Variants in GDPD3 observed in about 807,000 individuals in gnomAD.
The protein encoded by GDPD3 is lysophospholipase D GDPD3.
GDPD3 carries 40 observed loss-of-function variants against 43.7 expected under a neutral mutation model. The ratio of observed to expected loss-of-function variants is 0.91; its 90% confidence interval spans 0.71 to 1.19. The LOEUF is 1.19. GDPD3 is among the 50% of genes most tolerant of loss of function. The pLI is 0.00. For missense variants in GDPD3, 363 were observed against 415.8 expected, an observed-to-expected ratio of 0.87 and a Z score of 1.11; for synonymous variants, 145 against 162.9, an observed-to-expected ratio of 0.89 and a Z score of 0.84.
chr16:30,112,257 G>T lies in GDPD3; in HGVS notation c.484-36C>A. 6.2e-7 allele frequency: 1 copy of T among 1,612,876 alleles called. No individual in the cohort carries two copies. On this transcript the variant is annotated intron_variant, in intron 5 of 9. Coordinates refer to ENST00000406256, the MANE Select transcript of GDPD3 (RefSeq NM_024307.3). The surrounding 1 kb of genome is among the most constrained non-coding windows in gnomAD (Gnocchi z 5.4). ...GAGAAGGAGGTGAAGGGAGAGCCAGGCCTCTCTCACGCCCCCGGTGGCCGC... is the reference window on the plus strand; with the variant it reads ...GAGAAGGAGGTGAAGGGAGAGCCAGTCCTCTCTCACGCCCCCGGTGGCCGC...
chr16:30,112,902 A>C lies in GDPD3; in HGVS notation c.183-109T>G. The C allele has an allele frequency of 6.7e-7, 1 of 1,482,196 alleles. No individual in the cohort carries two copies. The highest frequency in any genetic ancestry group is 9.4e-7 in the Non-Finnish European group (1 of 1,068,364). 91.8% of individuals were successfully genotyped at this position (1,482,196 alleles called of 1,614,324 possible). On this transcript the variant is annotated intron_variant, in intron 2 of 9. Coordinates refer to ENST00000406256, the MANE Select transcript of GDPD3 (RefSeq NM_024307.3). The surrounding 1 kb of genome is among the most constrained non-coding windows in gnomAD (Gnocchi z 5.4). ...GAGCGGAGTTCGTGGCGGGATGTGC[A>C]GGCCACCTCCAGGGGGCGCCAGTCA... is the stretch of plus-strand genomic sequence containing the variant.
chr16:30,111,476 C>A lies in GDPD3; in HGVS notation c.619G>T (p.Val207Leu), dbSNP rs368779743. The change falls in exon 7 of 10, where the codon GTG (valine) becomes TTG (leucine). Residue 207 changes from valine (V) to leucine (L), a missense_variant. Coordinates refer to ENST00000406256, the MANE Select transcript of GDPD3 (RefSeq NM_024307.3). The part of the protein sequence containing the change: ...LSFTISRGFW[V>L]LLSYYLGLLP... ...AGCCCCAGGTAGTAGGAAAGCAGCA[C>A]CCAGAATCCTCGGCTTATTGTGAAG... 1.5e-5 allele frequency: 25 copies of A among 1,613,852 alleles called. No individual in the cohort carries two copies. Among genetic ancestry groups the A allele is most frequent in the Non-Finnish European group, 2.1e-5 (25 of 1,179,976 alleles).
At chr16:30,109,403 G>A (rs1235005268) in intron 7 of GDPD3, among the ~76,000 whole-genome samples, 1 of 152,204 alleles carries the variant, frequency 6.6e-6, no homozygotes, top group Non-Finnish European at 1.5e-5. Flanking sequence ...CAGCCACTTG[G>A]GAGGCTGAGG....
At chr16:30,108,969 C>T (rs1028448816) in intron 7 of GDPD3, among the ~76,000 whole-genome samples, 2 of 151,762 alleles carry the variant, frequency 1.3e-5, no homozygotes, top group African/African-American at 2.4e-5. Flanking sequence ...GTAGCTGGGA[C>T]TACAGGTGCC....
Position 30,113,240 on chromosome 16 carries a change from C to CCTTCTCTCTTGGTCCCTG in GDPD3, c.139+82_139+99dup. ...ACACCCTGCCCTGCCACTTCGCTCT[C>CCTTCTCTCTTGGTCCCTG]CTTCTCTCTTGGTCCCTGCCCCGTT... On this transcript the variant is annotated intron_variant, in intron 1 of 9. Transcript: ENST00000406256. The surrounding 1 kb of genome is among the most constrained non-coding windows in gnomAD (Gnocchi z 5.9). The CCTTCTCTCTTGGTCCCTG allele has an allele frequency of 1.4e-6, 2 of 1,474,124 alleles. No homozygotes were observed. Among genetic ancestry groups the CCTTCTCTCTTGGTCCCTG allele is most frequent in the South Asian group, 1.3e-5 (1 of 76,280 alleles). 91.3% of individuals were successfully genotyped at this position (1,474,124 alleles called of 1,614,324 possible). A position where few individuals can be genotyped will look rare whatever the true frequency, so the allele number is the denominator to read the frequency against.
chr16:30,112,479 A>G lies in GDPD3; in HGVS notation c.364+44T>C, dbSNP rs2072909339. 6.2e-7 allele frequency: 1 copy of G among 1,613,852 alleles called. No individual in the cohort carries two copies. The highest frequency in any genetic ancestry group is 1.7e-5 in the Admixed American group (1 of 60,002). ...GGGAAGCCAAGGCGGAGGTCCAAGGAAGGCAGGCATGGCCCAGGCAGGGCT... is the reference window on the plus strand; with the variant it reads ...GGGAAGCCAAGGCGGAGGTCCAAGGGAGGCAGGCATGGCCCAGGCAGGGCT... On this transcript the variant is annotated intron_variant, in intron 4 of 9. Transcript: ENST00000406256. The surrounding 1 kb of genome is among the most constrained non-coding windows in gnomAD (Gnocchi z 5.4).
At chr16:30,109,383 C>T (rs1440845449) in intron 7 of GDPD3, among the ~76,000 whole-genome samples, 1 of 152,092 alleles carries the variant, frequency 6.6e-6, no homozygotes, top group African/African-American at 2.4e-5. Flanking sequence ...GGTGGCAGAC[C>T]CTGTAGTCCC....
At chr16:30,106,950 C>A (rs1047543645) in intron 9 of GDPD3, among the ~76,000 whole-genome samples, 1 of 152,172 alleles carries the variant, frequency 6.6e-6, no homozygotes, top group African/African-American at 2.4e-5. Context: ...CTTAGTTGAT[C>A]CGCTGGCCTT....
Position 30,113,448 on chromosome 16 carries a change from C to A in GDPD3, c.31G>T (p.Ala11Ser). Residue 11 changes from alanine (A) to serine (S), a missense_variant, in exon 1 of 10, where the codon GCC becomes TCC. Ala to Ser is a moderately conservative substitution (Grantham distance 99). Transcript: ENST00000406256. This position sits in a 1 kb window ranked among gnomAD's most constrained non-coding sequence, Gnocchi z 5.9. The stretch of plus-strand genomic sequence containing the variant: ...GAGAGCATGGCATAGCTGCCCAGGG[C>A]AGGGAGGGCATAGTACAGCAAAAGG... The part of the protein sequence containing the change: MSLLLYYALP[A>S]LGSYAMLSIF... The A allele has an allele frequency of 6.2e-7, 1 of 1,607,328 alleles. No homozygotes were observed. The highest frequency in any genetic ancestry group is 8.5e-7 in the Non-Finnish European group (1 of 1,176,124).
intron 9 of GDPD3, among the ~76,000 whole-genome samples, chr16:30,105,821 C>T (rs1164615885): frequency 6.8e-6 from 1 of 146,458 alleles, no homozygotes; most frequent in African/African-American, 2.5e-5. Flanking sequence ...ATTATTAAAA[C>T]AACAAGTGGC....
At position 30,113,088 on chromosome 16, in the gene GDPD3, C is replaced by T. The variant is rs774011500; in HGVS notation, c.140-24G>A. 1.1e-5 allele frequency: 17 copies of T among 1,608,610 alleles called. No individual in the cohort carries two copies. The highest frequency in any genetic ancestry group is 1.4e-5 in the Non-Finnish European group (17 of 1,176,024). ...TCCTGTGGGGGGCACTGGAGTGGGC[C>T]TCTGGGGCTTGGGGTCTAGGGGCCT... On this transcript the variant is annotated intron_variant, in intron 1 of 9. Coordinates refer to ENST00000406256, the MANE Select transcript of GDPD3 (RefSeq NM_024307.3). The surrounding 1 kb of genome is among the most constrained non-coding windows in gnomAD (Gnocchi z 5.9).
chr16:30,108,974 G>T (rs953233522), intron 7 of GDPD3, among the ~76,000 whole-genome samples: 2 of 151,756 alleles, frequency 1.3e-5, no homozygotes, highest in Non-Finnish European at 2.9e-5. Context: ...TGGGACTACA[G>T]GTGCCCGCCA....
Position 30,111,379 on chromosome 16 carries a change from CACTGGT to C in GDPD3, c.707+3_707+8del. On this transcript the variant is annotated splice_donor_5th_base_variant and intron_variant, in intron 7 of 9. Coordinates refer to ENST00000406256, the MANE Select transcript of GDPD3 (RefSeq NM_024307.3). ...GGGAGTTTTTCTGAGGTCCGCCCCC[CACTGGT>C]ACCTGTTGATGATGTTGGGCAGGAA... The C allele has an allele frequency of 1.2e-6, 2 of 1,613,568 alleles. No individual in the cohort carries two copies. Among genetic ancestry groups the C allele is most frequent in the Non-Finnish European group, 1.7e-6 (2 of 1,179,728 alleles).
chr16:30,110,752 C>G (rs1052516465), intron 7 of GDPD3: 1 of 150,474 alleles, frequency 6.6e-6, no homozygotes, highest in Non-Finnish European at 1.5e-5. Flanking sequence ...CACGCCTATA[C>G]TCCCAGCTAC....
intron 8 of GDPD3, 32 bp downstream of exon 8, chr16:30,108,341 G>T: frequency 6.2e-7 from 1 of 1,613,346 alleles, no homozygotes; most frequent in Non-Finnish European, 8.5e-7. Flanking sequence ...TCTCTATGGG[G>T]ACACGCCACC....
At position 30,113,028 on chromosome 16, in the gene GDPD3, A is replaced by G; in HGVS notation, c.176T>C (p.Met59Thr). 6.2e-7 allele frequency: 1 copy of G among 1,613,282 alleles called. No individual in the cohort carries two copies. Among genetic ancestry groups the G allele is most frequent in the Non-Finnish European group, 8.5e-7 (1 of 1,179,634 alleles). Residue 59 changes from methionine (M) to threonine (T), a missense_variant, in exon 2 of 10, where the codon ATG becomes ACG. Transcript: ENST00000406256. The surrounding 1 kb of genome is among the most constrained non-coding windows in gnomAD (Gnocchi z 5.9). ...GELLENTMEA[M>T]ENSMAQRSDL... ...CAGGGGCAGATACACTCACTTCTCC[A>G]TGGCCTCCATGGTGTTCTCCAGCAG...
In GDPD3 at chr16:30,112,464, G is replaced by C; in HGVS notation, c.365-40C>G. 6.2e-7 allele frequency: 1 copy of C among 1,613,922 alleles called. No individual in the cohort carries two copies. The highest frequency in any genetic ancestry group is 1.1e-5 in the South Asian group (1 of 91,082). ...GGAAAAGGGGTCAGAGGGAAGCCAA[G>C]GCGGAGGTCCAAGGAAGGCAGGCAT... On this transcript the variant is annotated intron_variant, in intron 4 of 9. Transcript: ENST00000406256. The surrounding 1 kb of genome is among the most constrained non-coding windows in gnomAD (Gnocchi z 5.4).
Position 30,113,278 on chromosome 16 carries a change from C to G in GDPD3, c.139+62G>C. On this transcript the variant is annotated intron_variant, in intron 1 of 9. Coordinates refer to ENST00000406256, the MANE Select transcript of GDPD3 (RefSeq NM_024307.3). The surrounding 1 kb of genome is among the most constrained non-coding windows in gnomAD (Gnocchi z 5.9). ...TCCCTGCCCCGTTTCTAGCATGCCC[C>G]CTTGGACCTACCCCTCTGTGCTGTC... The G allele has an allele frequency of 6.5e-7, 1 of 1,540,454 alleles. No individual in the cohort carries two copies. The highest frequency in any genetic ancestry group is 2.3e-5 in the East Asian group (1 of 44,244).
At chr16:30,111,736 CA>C (rs2072901258) in intron 6 of GDPD3, 1 of 570,648 alleles carries the variant, frequency 1.8e-6, no homozygotes, top group Admixed American at 3.2e-5. Context: ...AGTTCAAGAC[CA>C]GCCTGGCTAA....
Sources: gnomAD v4.1 joint callset for allele counts (sites outside exome capture counted in the v4.1 genomes callset) on GRCh38, gnomAD v4.1.1 for gene constraint, Gnocchi (gnomAD v3.1) non-coding constraint, MANE v1.5 for transcripts, NCBI Gene and HGNC (gene_info 2026-07-23, HGNC 2026-07-21) for gene names.